DSCAML1: variants seen among roughly 807,000 people sequenced by gnomAD.
DSCAML1 encodes the protein cell adhesion molecule DSCAML1.
Under a neutral mutation model 200.5 loss-of-function variants are expected in DSCAML1, and 38 were observed. The ratio of observed to expected loss-of-function variants is 0.19; its 90% CI spans 0.15 to 0.25. DSCAML1 has a LOEUF of 0.25. Among genes scored for constraint, DSCAML1 ranks in the 10% least tolerant of loss-of-function variants. The pLI, the probability that DSCAML1 is intolerant of heterozygous loss-of-function variation, is 1.00. For missense variants in DSCAML1, 2,223 were observed against 2,858.8 expected (o/e 0.78, Z 5.07); for synonymous variants, 1,215 against 1,165.0 (o/e 1.04, Z -0.87).
intron 4 of DSCAML1, among the ~76,000 whole-genome samples, chr11:117,530,759 C>A (rs903975411): frequency 1.3e-5 from 2 of 152,072 alleles, no homozygotes; most frequent in Non-Finnish European, 2.9e-5. Flanking sequence ...AAACTCAGGG[C>A]AGAGCTCTGA....
chr11:117,429,002 G>A (rs1306445906), intron 32 of DSCAML1, among the ~76,000 whole-genome samples, 199 bp from the exon 33 acceptor site: 1 of 152,184 alleles, frequency 6.6e-6, no homozygotes, highest in Non-Finnish European at 1.5e-5. Context: ...TGTGAAGTGG[G>A]GATGATCTTA....
intron 3 of DSCAML1, among the ~76,000 whole-genome samples, chr11:117,626,509 G>A (rs1184321656): frequency 6.6e-6 from 1 of 152,110 alleles, no homozygotes; most frequent in African/African-American, 2.4e-5. Context: ...TAGTTAAAGA[G>A]TCCAGGCTGT....
chr11:117,613,376 C>A (rs1475818962), intron 3 of DSCAML1, among the ~76,000 whole-genome samples: 1 of 152,068 alleles, frequency 6.6e-6, no homozygotes, highest in Non-Finnish European at 1.5e-5. Flanking sequence ...ATTATGACAA[C>A]AAAGGTGAGG....
chr11:117,533,026 G>A (rs940039150), intron 3 of DSCAML1, among the ~76,000 whole-genome samples: 2 of 151,754 alleles, frequency 1.3e-5, no homozygotes, highest in Non-Finnish European at 2.9e-5. Flanking sequence ...GGTAGTCCCA[G>A]ATACTTGGGA....
chr11:117,772,483 A>G (rs1455623423), intron 3 of DSCAML1, among the ~76,000 whole-genome samples: 1 of 152,206 alleles, frequency 6.6e-6, no homozygotes, highest in Non-Finnish European at 1.5e-5. Context: ...GAGCTGATGC[A>G]GGCTTGTCTT....
In DSCAML1 at chr11:117,576,709, T is replaced by C. The variant is rs1390151793; in HGVS notation, c.512-44187A>G. On this transcript the variant is annotated intron_variant, in intron 3 of 32. Coordinates refer to ENST00000651296, the MANE Select transcript of DSCAML1 (RefSeq NM_020693.4). ...TCCACAAGGGACTCTTTTCTTTTTGTACCCAAAACCCTTCTAGCTTTTGCC... is the reference window on the plus strand; with the variant it reads ...TCCACAAGGGACTCTTTTCTTTTTGCACCCAAAACCCTTCTAGCTTTTGCC... 2.0e-5 allele frequency among the ~76,000 whole-genome samples: 3 copies of C among 152,112 alleles called. No individual in the cohort carries two copies. In the East Asian group the frequency reaches 5.8e-4, roughly 29 times the overall value.
At position 117,507,303 on chromosome 11, in the gene DSCAML1, G is replaced by A. The variant is rs182009261; in HGVS notation, c.1784-1571C>T. ...CAGGCACCAGCCGCACCCCTCCCTG[G>A]AAGCCTGCTACTCTCTACCCTGGGC... On this transcript the variant is annotated intron_variant, in intron 8 of 32. Transcript: ENST00000651296. Among the ~76,000 whole-genome samples the A allele has an allele frequency of 3.1e-3, 471 of 152,278 alleles. 2 individuals carry two copies. Among genetic ancestry groups the A allele is most frequent in the African/African-American group, 0.01 (423 of 41,550 alleles).
At chr11:117,786,465 CT>C (rs1465455023) in intron 1 of DSCAML1, among the ~76,000 whole-genome samples, 1 of 152,204 alleles carries the variant, frequency 6.6e-6, no homozygotes, top group Non-Finnish European at 1.5e-5. Context: ...CCGCTGAAAC[CT>C]AAGTATCCAT....
chr11:117,513,298 G>A (rs558753440), intron 8 of DSCAML1, among the ~76,000 whole-genome samples: 1 of 152,318 alleles, frequency 6.6e-6, no homozygotes, highest in Admixed American at 6.5e-5. Context: ...CCCCTGGGCT[G>A]GGCAGAGAAA....
At chr11:117,666,537 G>A (rs1349117353) in intron 3 of DSCAML1, among the ~76,000 whole-genome samples, 2 of 152,006 alleles carry the variant, frequency 1.3e-5, no homozygotes, top group Non-Finnish European at 2.9e-5. Flanking sequence ...GCTGCTGCCG[G>A]GCCTCTCTCT....
At chr11:117,564,399 C>G (rs1274637683) in intron 3 of DSCAML1, among the ~76,000 whole-genome samples, 1 of 152,214 alleles carries the variant, frequency 6.6e-6, no homozygotes, top group African/African-American at 2.4e-5. Flanking sequence ...GAACACACAG[C>G]TCTCAAGAGG....
At chr11:117,493,747 C>T (rs1270946277) in intron 11 of DSCAML1, among the ~76,000 whole-genome samples, 5 of 152,194 alleles carry the variant, frequency 3.3e-5, no homozygotes, top group Admixed American at 2.6e-4. Context: ...CCTGCCTCAG[C>T]CTCCTCAGTA....
intron 3 of DSCAML1, among the ~76,000 whole-genome samples, chr11:117,539,985 G>A (rs2509007): frequency 0.55 from 83,868 of 152,114 alleles, 23,860 homozygotes; most frequent in African/African-American, 0.69. Context: ...ACATGGATGC[G>A]TCTTGAGGAC....
At position 117,475,547 on chromosome 11, in the gene DSCAML1, C is replaced by T. The variant is rs2048773650; in HGVS notation, c.2786-3511G>A. Among the ~76,000 whole-genome samples the T allele has an allele frequency of 2.0e-5, 3 of 152,204 alleles. No individual in the cohort carries two copies. In the South Asian group the frequency reaches 6.2e-4, roughly 31 times the overall value. ...TTGGTGGTAACTGCCCAAGGAGATG[C>T]TAAGCTCCCTGAAGTCAGGAGCCAT... is the stretch of plus-strand genomic sequence containing the variant. On this transcript the variant is annotated intron_variant, in intron 14 of 32. Coordinates refer to ENST00000651296, the MANE Select transcript of DSCAML1 (RefSeq NM_020693.4).
intron 3 of DSCAML1, among the ~76,000 whole-genome samples, chr11:117,547,158 C>G (rs190848137): frequency 6.6e-6 from 1 of 152,172 alleles, no homozygotes; most frequent in Non-Finnish European, 1.5e-5. Flanking sequence ...TCCCGGCCCT[C>G]GTCCGCTGCA....
At chr11:117,797,293 C>T (rs2055602707), upstream of DSCAML1, 3 of 1,321,038 alleles carry the variant, frequency 2.3e-6, no homozygotes, top group Non-Finnish European at 2.9e-6. Flanking sequence ...GCTCTCCCCG[C>T]CCCCCCGCGG....
chr11:117,631,024 T>C (rs1374464333), intron 3 of DSCAML1, among the ~76,000 whole-genome samples: 1 of 152,180 alleles, frequency 6.6e-6, no homozygotes, highest in Non-Finnish European at 1.5e-5. Context: ...GGGCACTCAA[T>C]AAACATAAAC....
At chr11:117,592,706 G>A (rs1362711429) in intron 3 of DSCAML1, among the ~76,000 whole-genome samples, 5 of 152,226 alleles carry the variant, frequency 3.3e-5, no homozygotes, top group Non-Finnish European at 5.9e-5. Flanking sequence ...AACCCATGCA[G>A]TAAGTACCAT....
chr11:117,772,799 C>T (rs1395563688), intron 3 of DSCAML1, among the ~76,000 whole-genome samples: 2 of 152,214 alleles, frequency 1.3e-5, no homozygotes, highest in Non-Finnish European at 2.9e-5. Flanking sequence ...CCCTCTTACC[C>T]CAACCCTGCC....
Sources: gnomAD v4.1 joint callset for allele counts (sites outside exome capture counted in the v4.1 genomes callset) on GRCh38, gnomAD v4.1.1 for gene constraint, MANE v1.5 for transcripts, NCBI Gene and HGNC (gene_info 2026-07-23, HGNC 2026-07-21) for gene names.